The following ZNF521 variants were observed in gnomAD, a reference collection of about 807,000 sequenced individuals.
The protein encoded by ZNF521 is zinc finger protein 521, also known as LYST-interacting protein 3.
A neutral mutation model predicts 105.5 loss-of-function variants in ZNF521; 14 were observed. The ratio of observed to expected loss-of-function variants is 0.13; its 90% CI spans 0.09 to 0.21. The LOEUF (loss-of-function observed/expected upper bound fraction) is 0.21. ZNF521 is among the 10% of genes least tolerant of loss of function. The pLI is 1.00. For synonymous variants in ZNF521, 635 were observed against 606.0 expected (o/e 1.05, Z -0.70); for missense variants, 1,233 against 1,629.7 (o/e 0.76, Z 4.19).
At chr18:25,313,615 G>A (rs1471975007) in intron 3 of ZNF521, among the ~76,000 whole-genome samples, 1 of 152,098 alleles carries the variant, frequency 6.6e-6, no homozygotes, top group African/African-American at 2.4e-5. Flanking sequence ...GAGGTTTTGT[G>A]AAGTATTTTT....
intron 5 of ZNF521, among the ~76,000 whole-genome samples, chr18:25,186,799 T>C (rs949182771): frequency 6.6e-6 from 1 of 150,762 alleles, no homozygotes; most frequent in African/African-American, 2.4e-5. Context: ...ACATGCTTTA[T>C]ACACAGTGAA....
At chr18:25,135,279 C>CGTGTGTGT (rs35980671) in intron 5 of ZNF521, among the ~76,000 whole-genome samples, 1,593 of 146,196 alleles carry the variant, frequency 0.011, 28 homozygotes, top group African/African-American at 0.037. Flanking sequence ...TATATGTATA[C>CGTGTGTGT]GTGTGTGTGT....
intron 5 of ZNF521, among the ~76,000 whole-genome samples, chr18:25,093,542 T>C (rs2033792499): frequency 6.6e-6 from 1 of 152,212 alleles, no homozygotes; most frequent in Non-Finnish European, 1.5e-5. Context: ...TGAGTAATTA[T>C]TAGCTAACTG....
In ZNF521 at chr18:25,298,729, TATTAGA is replaced by T. The variant is rs568679146; in HGVS notation, c.220+23273_220+23278del. ...AACAATAATCATGATGAAAGGCTAG[TATTAGA>T]ATTAGTATGCTTTAAAAAAAATCAT... On this transcript the variant is annotated intron_variant, in intron 3 of 7. Transcript: ENST00000361524. Among the ~76,000 whole-genome samples, 462 of 152,238 alleles carry T rather than the reference TATTAGA, an allele frequency of 3.0e-3. 1 individual carries two copies. Among genetic ancestry groups the T allele is most frequent in the African/African-American group, 0.011 (445 of 41,558 alleles).
intron 3 of ZNF521, among the ~76,000 whole-genome samples, chr18:25,230,619 T>G (rs1906471403): frequency 6.6e-6 from 1 of 152,240 alleles, no homozygotes; most frequent in Non-Finnish European, 1.5e-5. Context: ...TTCTTTCAAC[T>G]CAGGTTCCTG....
At chr18:25,312,086 A>T (rs1209541143) in intron 3 of ZNF521, among the ~76,000 whole-genome samples, 2 of 152,214 alleles carry the variant, frequency 1.3e-5, no homozygotes, top group African/African-American at 2.4e-5. Context: ...CAGTTATTCA[A>T]GCAGGCTAAA....
chr18:25,286,766 C>T (rs1043285275), intron 3 of ZNF521, among the ~76,000 whole-genome samples: 14 of 151,892 alleles, frequency 9.2e-5, no homozygotes, highest in African/African-American at 1.9e-4. Context: ...TTTAATTAAA[C>T]GAAAAGGGGA....
chr18:25,212,320 G>A (rs753529300), intron 4 of ZNF521, among the ~76,000 whole-genome samples: 71 of 150,922 alleles, frequency 4.7e-4, no homozygotes, highest in Non-Finnish European at 9.0e-4. Context: ...GACCAGCCTG[G>A]CCAACATAGT....
At chr18:25,156,449 G>A (rs186887990) in intron 5 of ZNF521, among the ~76,000 whole-genome samples, 8 of 152,208 alleles carry the variant, frequency 5.3e-5, no homozygotes, top group South Asian at 2.1e-4. Context: ...ACGCTCATTC[G>A]TCTCTTCAAA....
At chr18:25,266,908 T>C (rs1909300289) in intron 3 of ZNF521, among the ~76,000 whole-genome samples, 1 of 152,132 alleles carries the variant, frequency 6.6e-6, no homozygotes, top group Admixed American at 6.5e-5. Context: ...CAGTGACATC[T>C]GGAACACCAG....
intron 7 of ZNF521, among the ~76,000 whole-genome samples, chr18:25,084,752 A>T (rs1313472143): frequency 6.6e-6 from 1 of 152,232 alleles, no homozygotes. Context: ...AGAACTTTCT[A>T]TGTGGACACA....
intron 5 of ZNF521, among the ~76,000 whole-genome samples, chr18:25,174,029 T>A (rs145449850): frequency 3.9e-5 from 6 of 152,206 alleles, no homozygotes; most frequent in Non-Finnish European, 5.9e-5. Flanking sequence ...ACATATTTTT[T>A]AAAAAATTCA....
chr18:25,297,837 T>C (rs1243481474), intron 3 of ZNF521, among the ~76,000 whole-genome samples: 1 of 152,192 alleles, frequency 6.6e-6, no homozygotes, highest in Non-Finnish European at 1.5e-5. Flanking sequence ...TTCAAATACT[T>C]CCCTTTTTAT....
chr18:25,249,488 G>A (rs1181107765), intron 3 of ZNF521, among the ~76,000 whole-genome samples: 2 of 148,756 alleles, frequency 1.3e-5, no homozygotes, highest in Non-Finnish European at 3.0e-5. Flanking sequence ...TTTTAAGACA[G>A]TCTTGTTCTG....
chr18:25,144,805 G>A lies in ZNF521; in HGVS notation c.3658+50355C>T, dbSNP rs138716458. ...GTTAGCCTTTGCTTAACTGGAAAAC[G>A]CAGGAGGAAAGAGTGATTTTAGAAT... On this transcript the variant is annotated intron_variant, in intron 5 of 7. Coordinates refer to ENST00000361524, the MANE Select transcript of ZNF521 (RefSeq NM_015461.3). Among the ~76,000 whole-genome samples the A allele has an allele frequency of 3.9e-5, 6 of 152,264 alleles. No individual in the cohort carries two copies. In the East Asian group the frequency reaches 5.8e-4, roughly 15 times the overall value.
chr18:25,073,554 TCCA>T (rs367753569), intron 7 of ZNF521, among the ~76,000 whole-genome samples: 30 of 152,276 alleles, frequency 2.0e-4, no homozygotes, highest in African/African-American at 6.7e-4. Flanking sequence ...TAAACTCTGG[TCCA>T]CCAGATTCAA....
chr18:25,283,800 T>C (rs540992572), intron 3 of ZNF521, among the ~76,000 whole-genome samples: 1 of 152,246 alleles, frequency 6.6e-6, no homozygotes, highest in Admixed American at 6.5e-5. Context: ...ATTTGCCAAA[T>C]TCCAAAAGAG....
chr18:25,139,372 CAAAAAAAAAAAAAAAAA>C (rs36175281), intron 5 of ZNF521, among the ~76,000 whole-genome samples: 3 of 51,372 alleles, frequency 5.8e-5, no homozygotes, highest in African/African-American at 1.5e-4. Flanking sequence ...GACTCTGTCT[CAAAAAAAAAAAAAAAAA>C]AAAAAAAAAA....
At chr18:25,109,843 A>G (rs907857833) in intron 5 of ZNF521, among the ~76,000 whole-genome samples, 3 of 152,084 alleles carry the variant, frequency 2.0e-5, no homozygotes, top group African/African-American at 4.8e-5. Context: ...TGGAATCTGG[A>G]TATCAGTCCT....
Sources: gnomAD v4.1 joint callset for allele counts (sites outside exome capture counted in the v4.1 genomes callset) on GRCh38, gnomAD v4.1.1 for gene constraint, MANE v1.5 for transcripts, NCBI Gene and HGNC (gene_info 2026-07-23, HGNC 2026-07-21) for gene names.